ASCC1: variants seen among roughly 807,000 people sequenced by gnomAD.
ASCC1 encodes ASC-1 complex subunit P50.
In ASCC1, 35 loss-of-function variants were observed where a neutral mutation model predicts 46.6. That is an observed-to-expected ratio of 0.75 (90% CI 0.57 to 0.99). ASCC1 has a LOEUF of 0.99. ASCC1 is among the 50% of genes least tolerant of loss of function. The pLI is 0.00. For synonymous variants in ASCC1, 143 were observed against 146.6 expected (o/e 0.98, Z 0.18); for missense variants, 376 against 428.7 (o/e 0.88, Z 1.09).
chr10:72,166,207 T>C (rs1024374058), intron 5 of ASCC1, among the ~76,000 whole-genome samples: 6 of 152,278 alleles, frequency 3.9e-5, no homozygotes, highest in African/African-American at 1.4e-4. Context: ...CAAGTCCTTA[T>C]GCATTTCAAC....
Position 72,124,340 on chromosome 10 carries a change from A to G in ASCC1, c.957+3742T>C, listed in dbSNP as rs562520195. Among the ~76,000 whole-genome samples the G allele has an allele frequency of 7.2e-5, 11 of 152,346 alleles. No individual in the cohort carries two copies. The East Asian group carries it at 2.1e-3, about 29-fold the overall frequency. Reference sequence around the variant, plus strand: ...TCTAAAGAAATGGCACTTTTACACTATCCTCTGACTTTAGACCTATAGTAC... The same window carrying G: ...TCTAAAGAAATGGCACTTTTACACTGTCCTCTGACTTTAGACCTATAGTAC... On this transcript the variant is annotated intron_variant, in intron 9 of 9. Coordinates refer to ENST00000672957, the MANE Select transcript of ASCC1 (RefSeq NM_001198800.3).
intron 6 of ASCC1, chr10:72,158,863 A>G (rs1480691097): frequency 3.3e-5 from 5 of 152,184 alleles, no homozygotes; most frequent in Admixed American, 3.3e-4. Flanking sequence ...ATTTATGGAC[A>G]TTTTTTCTAA....
At chr10:72,186,518 A>G (rs954036832) in intron 5 of ASCC1, among the ~76,000 whole-genome samples, 13 of 152,302 alleles carry the variant, frequency 8.5e-5, no homozygotes, top group Admixed American at 5.9e-4. Flanking sequence ...GTGAACAGGT[A>G]TTTGCTCTTC....
chr10:72,105,320 C>T lies in ASCC1; in HGVS notation c.958-7870G>A, dbSNP rs115972072. Among the ~76,000 whole-genome samples, 902 of 152,312 alleles carry T rather than the reference C, an allele frequency of 5.9e-3. 7 individuals carry two copies. The highest frequency in any genetic ancestry group is 0.021 in the African/African-American group (859 of 41,536). On this transcript the variant is annotated intron_variant, in intron 9 of 9. Transcript: ENST00000672957. ...GCTTTGGGGATCGCTGGCACCCTCACCTAGACACTGCCACGGGGCCCACAC... is the reference window on the plus strand; with the variant it reads ...GCTTTGGGGATCGCTGGCACCCTCATCTAGACACTGCCACGGGGCCCACAC...
intron 3 of ASCC1, among the ~76,000 whole-genome samples, chr10:72,209,635 T>G (rs1857753356): frequency 6.6e-6 from 1 of 151,802 alleles, no homozygotes; most frequent in African/African-American, 2.4e-5. Flanking sequence ...AATACAAAAA[T>G]TAGCCAGGCA....
rs1035413317 is a variant in ASCC1 at position 72,203,657 on chromosome 10, G to A, written c.213-133C>T. The stretch of plus-strand genomic sequence containing the variant: ...AGTTCAGTAAAAGCTCAATATTTGC[G>A]GAAGAAATTACAAGTCATCTAGCTT... On this transcript the variant is annotated intron_variant, in intron 3 of 9. Transcript: ENST00000672957. The A allele has an allele frequency of 4.0e-5, 29 of 726,920 alleles. 1 individual carries two copies. The East Asian group carries it at 4.0e-4, about 10-fold the overall frequency. The allele number at this position is 726,920 out of a possible 1,614,324, so 45.0% of individuals were successfully genotyped here.
At chr10:72,106,889 C>T (rs1842398716) in intron 9 of ASCC1, among the ~76,000 whole-genome samples, 1 of 152,162 alleles carries the variant, frequency 6.6e-6, no homozygotes, top group Admixed American at 6.5e-5. Context: ...GCCACGTCCA[C>T]AAGGCAGTGT....
intron 7 of ASCC1, among the ~76,000 whole-genome samples, chr10:72,139,461 C>T (rs1030175713): frequency 3.3e-5 from 5 of 152,156 alleles, no homozygotes; most frequent in Non-Finnish European, 5.9e-5. Flanking sequence ...TGATCCTTTC[C>T]TGTTTATGAA....
intron 8 of ASCC1, among the ~76,000 whole-genome samples, chr10:72,131,599 T>C (rs1245709145): frequency 6.6e-6 from 1 of 152,152 alleles, no homozygotes; most frequent in Non-Finnish European, 1.5e-5. Flanking sequence ...AATAGAGATT[T>C]ATTTATAAGT....
At chr10:72,118,500 C>T (rs112011533) in intron 9 of ASCC1, among the ~76,000 whole-genome samples, 2 of 151,988 alleles carry the variant, frequency 1.3e-5, no homozygotes, top group African/African-American at 4.8e-5. Flanking sequence ...CACTTTCTGG[C>T]TGGGCATGGT....
At chr10:72,190,910 C>T (rs1207792285) in intron 5 of ASCC1, among the ~76,000 whole-genome samples, 2 of 147,016 alleles carry the variant, frequency 1.4e-5, no homozygotes, top group South Asian at 2.2e-4. Context: ...GCAGGAGAAT[C>T]GCTTGAACCC....
chr10:72,208,123 C>G (rs972752147), intron 3 of ASCC1, among the ~76,000 whole-genome samples: 1 of 152,060 alleles, frequency 6.6e-6, no homozygotes, highest in Non-Finnish European at 1.5e-5. Context: ...AGCCACCACA[C>G]CCAGCCTTCC....
rs377445075 is a variant in ASCC1, at chr10:72,213,216, T to C, written c.83A>G (p.His28Arg). 3.8e-5 allele frequency: 61 copies of C among 1,613,694 alleles called. No homozygotes were observed. The African/African-American group carries it at 7.6e-4, about 20-fold the overall frequency. ...KNPVQEQTYQHEEDEEDFYQG... is the reference protein window; with the variant it reads ...KNPVQEQTYQREEDEEDFYQG... ...ATAGAAGTCCTCTTCATCTTCTTCA[T>C]GTTGATAGGTCTGTTCTTGGACTGG... The change falls in exon 2 of 10, where the codon CAT becomes CGT. Residue 28 changes from histidine to arginine, a missense_variant. Coordinates refer to ENST00000672957, the MANE Select transcript of ASCC1 (RefSeq NM_001198800.3).
intron 7 of ASCC1, chr10:72,133,619 T>G (rs1845853892): frequency 7.9e-6 from 2 of 254,448 alleles, no homozygotes; most frequent in Non-Finnish European, 1.5e-5. Context: ...TACAATACAG[T>G]TATGACAGAG....
intron 5 of ASCC1, among the ~76,000 whole-genome samples, chr10:72,181,485 G>A (rs1225200122): frequency 1.3e-5 from 2 of 151,566 alleles, no homozygotes; most frequent in African/African-American, 4.9e-5. Context: ...CAAAATAGAA[G>A]CTGAAATTTA....
At chr10:72,171,178 T>C (rs1438054786) in intron 5 of ASCC1, among the ~76,000 whole-genome samples, 1 of 152,242 alleles carries the variant, frequency 6.6e-6, no homozygotes, top group Non-Finnish European at 1.5e-5. Flanking sequence ...AAATTCTCTA[T>C]TGGTGCTATA....
chr10:72,206,211 C>T (rs1857190888), intron 3 of ASCC1, among the ~76,000 whole-genome samples: 1 of 151,688 alleles, frequency 6.6e-6, no homozygotes, highest in Non-Finnish European at 1.5e-5. Flanking sequence ...TGGAAACCAG[C>T]CTAACCAACA....
At chr10:72,205,441 G>A (rs1331891928) in intron 3 of ASCC1, among the ~76,000 whole-genome samples, 1 of 152,100 alleles carries the variant, frequency 6.6e-6, no homozygotes, top group Non-Finnish European at 1.5e-5. Flanking sequence ...GGCCAGCCTG[G>A]CCAACATGGT....
chr10:72,215,567 C>A (rs1333861987), intron 1 of ASCC1, among the ~76,000 whole-genome samples: 1 of 151,966 alleles, frequency 6.6e-6, no homozygotes, highest in Non-Finnish European at 1.5e-5. Flanking sequence ...CCCGAGGCCT[C>A]TAAAGTTCTC....
Sources: allele counts gnomAD v4.1 joint callset (sites outside exome capture counted in the v4.1 genomes callset), GRCh38; gene constraint gnomAD v4.1.1; transcripts MANE v1.5; gene names NCBI Gene and HGNC (gene_info 2026-07-23, HGNC 2026-07-21).